Variants in NSMAF observed in about 807,000 individuals in gnomAD.
NSMAF encodes protein FAN.
NSMAF carries 90 observed loss-of-function variants against 134.9 expected under a neutral mutation model. That is an observed-to-expected ratio of 0.67 (90% confidence interval 0.56 to 0.79). NSMAF has a LOEUF of 0.79. Ranked by LOEUF, NSMAF falls within the 30% of genes least tolerant of loss-of-function variation. NSMAF has a pLI of 0.00. For missense variants in NSMAF, 1,010 were observed against 1,119.0 expected (o/e 0.90, Z 1.39); for synonymous variants, 358 against 389.6 (o/e 0.92, Z 0.96).
intron 1 of NSMAF, among the ~76,000 whole-genome samples, chr8:58,644,359 A>T (rs1807398620): frequency 6.6e-6 from 1 of 152,232 alleles, no homozygotes; most frequent in Admixed American, 6.5e-5. Flanking sequence ...CCGGGGGAAT[A>T]AGCAGTGCTC....
At position 58,588,786 on chromosome 8, in the gene NSMAF, G is replaced by C. The variant is rs1805954263; in HGVS notation, c.2211+666C>G. The C allele has an allele frequency of 2.9e-6, 3 of 1,019,066 alleles. No individual in the cohort carries two copies. In the South Asian group the frequency reaches 3.8e-5, roughly 13 times the overall value. 63.1% of individuals were successfully genotyped at this position (1,019,066 alleles called of 1,614,324 possible). ...TCATCTTGGAGGCACGGACCGGAGA[G>C]AGCTAACTTGACATTTTCTAATTAA... On this transcript the variant is annotated intron_variant, in intron 26 of 30. Coordinates refer to ENST00000038176, the MANE Select transcript of NSMAF (RefSeq NM_003580.4).
chr8:58,659,057 G>A, intron 1 of NSMAF: 1 of 708,656 alleles, frequency 1.4e-6, no homozygotes, highest in Non-Finnish European at 2.1e-6. Flanking sequence ...GCAGGAAAAA[G>A]GCGCGGCAAT....
At chr8:58,641,215 C>T (rs373393989) in intron 2 of NSMAF, among the ~76,000 whole-genome samples, 8 of 152,372 alleles carry the variant, frequency 5.3e-5, no homozygotes, top group South Asian at 2.1e-4. Context: ...GCCACCACAC[C>T]TGGCCTTACT....
At chr8:58,598,028 A>G in intron 19 of NSMAF, 126 bp from the exon 20 acceptor site, 1 of 687,002 alleles carries the variant, frequency 1.5e-6, no homozygotes, top group Non-Finnish European at 2.6e-6. Flanking sequence ...ACTTTGCAAA[A>G]CAGACTAATA....
intron 9 of NSMAF, among the ~76,000 whole-genome samples, chr8:58,618,815 C>T (rs73250343): frequency 0.075 from 11,479 of 152,132 alleles, 1,145 homozygotes; most frequent in African/African-American, 0.23. Context: ...AAAATTATCT[C>T]CTCAGAAATA....
intron 6 of NSMAF, among the ~76,000 whole-genome samples, chr8:58,630,719 T>G (rs1421182158): frequency 6.6e-6 from 1 of 152,228 alleles, no homozygotes; most frequent in African/African-American, 2.4e-5. Context: ...TTATACTTTC[T>G]GACTAATCAG....
intron 2 of NSMAF, chr8:58,640,250 TG>T (rs1318566119): frequency 3.8e-6 from 1 of 262,752 alleles, no homozygotes; most frequent in African/African-American, 2.3e-5. Flanking sequence ...TTACTTTGAT[TG>T]TGGTCAGCAT....
chr8:58,609,987 C>CA (rs1397291398), intron 9 of NSMAF, among the ~76,000 whole-genome samples: 2 of 152,002 alleles, frequency 1.3e-5, no homozygotes, highest in Non-Finnish European at 2.9e-5. Flanking sequence ...TAAATAATAC[C>CA]AAATAACCCT....
intron 11 of NSMAF, among the ~76,000 whole-genome samples, chr8:58,606,779 G>T (rs1181952782): frequency 6.6e-6 from 1 of 152,200 alleles, no homozygotes; most frequent in African/African-American, 2.4e-5. Flanking sequence ...TACTAGCTGG[G>T]AGCTTAGGAA....
intron 2 of NSMAF, chr8:58,640,044 G>A (rs1807298600): frequency 4.4e-6 from 2 of 455,224 alleles, no homozygotes; most frequent in African/African-American, 4.0e-5. Context: ...TAAAGGGGGT[G>A]GAAGAAATGG....
chr8:58,597,826 C>A (rs1479129650), intron 20 of NSMAF, 34 bp downstream of exon 20: 1 of 1,429,154 alleles, frequency 7.0e-7, no homozygotes, highest in African/African-American at 1.4e-5. Flanking sequence ...TATCTTATAA[C>A]TCAAGTAGAA....
chr8:58,616,391 A>G (rs1298528702), intron 9 of NSMAF, among the ~76,000 whole-genome samples: 1 of 152,134 alleles, frequency 6.6e-6, no homozygotes, highest in Admixed American at 6.5e-5. Context: ...TATGTAAAAA[A>G]GATAAGATAT....
chr8:58,592,010 A>G (rs1806031976), intron 23 of NSMAF, among the ~76,000 whole-genome samples: 2 of 152,210 alleles, frequency 1.3e-5, no homozygotes, highest in Non-Finnish European at 2.9e-5. Context: ...ATGAGCCTCA[A>G]TAAGATATTC....
At chr8:58,633,700 C>G (rs971078098) in intron 5 of NSMAF, among the ~76,000 whole-genome samples, 2 of 152,172 alleles carry the variant, frequency 1.3e-5, no homozygotes, top group East Asian at 3.9e-4. Context: ...TCTTTAGCAG[C>G]AACAAAAAAA....
chr8:58,654,234 T>G (rs1807650618), intron 1 of NSMAF, among the ~76,000 whole-genome samples: 1 of 152,246 alleles, frequency 6.6e-6, no homozygotes, highest in African/African-American at 2.4e-5. Context: ...ACAATCACTT[T>G]GCCCTCTTGC....
chr8:58,658,747 G>A (rs1417230725), intron 1 of NSMAF, among the ~76,000 whole-genome samples: 1 of 152,224 alleles, frequency 6.6e-6, no homozygotes, highest in Non-Finnish European at 1.5e-5. Flanking sequence ...TATACATAGA[G>A]CCGAAGTGAG....
At chr8:58,588,242 A>G (rs1477250178) in intron 26 of NSMAF, among the ~76,000 whole-genome samples, 1 of 152,200 alleles carries the variant, frequency 6.6e-6, no homozygotes. Flanking sequence ...ATATTCCTAC[A>G]TCGAAAGAAT....
intron 15 of NSMAF, 39 bp downstream of exon 15, chr8:58,601,405 GA>G: frequency 6.2e-7 from 1 of 1,610,950 alleles, no homozygotes; most frequent in Non-Finnish European, 8.5e-7. Flanking sequence ...AGAATACAGT[GA>G]AATAAAATTT....
At chr8:58,635,834 T>C (rs1269545951) in intron 2 of NSMAF, among the ~76,000 whole-genome samples, 1 of 152,224 alleles carries the variant, frequency 6.6e-6, no homozygotes, top group Non-Finnish European at 1.5e-5. Context: ...AGAAACTTAA[T>C]GAATCCAGAA....
Sources: gnomAD v4.1 joint callset for allele counts (sites outside exome capture counted in the v4.1 genomes callset) on GRCh38, gnomAD v4.1.1 for gene constraint, MANE v1.5 for transcripts, NCBI Gene and HGNC (gene_info 2026-07-23, HGNC 2026-07-21) for gene names.